CDK6: variants seen among roughly 807,000 people sequenced by gnomAD.
CDK6 encodes the protein cyclin dependent kinase 6, also known as cyclin-dependent kinase 6.
In CDK6, 6 loss-of-function variants were observed where a neutral mutation model predicts 37.1. That is an observed-to-expected ratio of 0.16 (90% CI 0.09 to 0.32). CDK6 has a LOEUF of 0.32. Ranked by LOEUF, CDK6 falls within the 10% of genes least tolerant of loss-of-function variation. The pLI, the probability that CDK6 is intolerant of heterozygous loss-of-function variation, is 1.00. For synonymous variants in CDK6, 160 were observed against 161.3 expected, an observed-to-expected ratio of 0.99 and a Z score of 0.06; for missense variants, 224 against 418.9, an observed-to-expected ratio of 0.53 and a Z score of 4.06.
chr7:92,728,298 G>A (rs1798560364), intron 3 of CDK6, among the ~76,000 whole-genome samples: 2 of 151,956 alleles, frequency 1.3e-5, no homozygotes, highest in African/African-American at 2.4e-5. Flanking sequence ...CTTTTTTTGT[G>A]TCTTTTTAGT....
chr7:92,742,115 G>C (rs935941632), intron 3 of CDK6, among the ~76,000 whole-genome samples: 3 of 152,114 alleles, frequency 2.0e-5, no homozygotes, highest in Non-Finnish European at 4.4e-5. Flanking sequence ...TACTCAGTTT[G>C]TTTAAAATAT....
chr7:92,740,616 A>AT (rs1798898760), intron 3 of CDK6, among the ~76,000 whole-genome samples: 1 of 151,996 alleles, frequency 6.6e-6, no homozygotes, highest in South Asian at 2.1e-4. Context: ...TACATACATT[A>AT]TTTTTTTCCC....
intron 3 of CDK6, among the ~76,000 whole-genome samples, chr7:92,739,377 A>G (rs898619269): frequency 1.3e-5 from 2 of 152,174 alleles, no homozygotes; most frequent in African/African-American, 4.8e-5. Context: ...TGTTTTTTAG[A>G]ATAGTCCCTG....
At chr7:92,764,706 G>A (rs1188821318) in intron 3 of CDK6, among the ~76,000 whole-genome samples, 1 of 152,154 alleles carries the variant, frequency 6.6e-6, no homozygotes, top group Non-Finnish European at 1.5e-5. Context: ...GCACTATGGG[G>A]TTTGCAAGGC....
At chr7:92,732,311 G>A (rs898302811) in intron 3 of CDK6, among the ~76,000 whole-genome samples, 5 of 152,180 alleles carry the variant, frequency 3.3e-5, no homozygotes, top group African/African-American at 1.2e-4. Flanking sequence ...CAGCTACTCG[G>A]GAGGCCTAGG....
intron 2 of CDK6, among the ~76,000 whole-genome samples, chr7:92,808,504 AAATAATTCACTATT>A (rs961550322): frequency 2.6e-5 from 4 of 152,244 alleles, no homozygotes; most frequent in African/African-American, 9.6e-5. Context: ...AATGCTGCTT[AAATAATTCACTATT>A]AATTGGACAG....
chr7:92,625,293 T>G (rs1403261312), intron 5 of CDK6, among the ~76,000 whole-genome samples: 3 of 147,650 alleles, frequency 2.0e-5, no homozygotes, highest in Non-Finnish European at 4.5e-5. Flanking sequence ...ATACAGATAA[T>G]CATGTAAAGT....
At chr7:92,634,712 C>G (rs1216567013) in intron 5 of CDK6, among the ~76,000 whole-genome samples, 1 of 152,130 alleles carries the variant, frequency 6.6e-6, no homozygotes, top group Non-Finnish European at 1.5e-5. Context: ...TTATGTATCT[C>G]AATCAAGTTT....
intron 4 of CDK6, among the ~76,000 whole-genome samples, chr7:92,696,355 C>T (rs1050117908): frequency 1.3e-5 from 2 of 152,030 alleles, no homozygotes; most frequent in Non-Finnish European, 2.9e-5. Context: ...GGAGTTTTCC[C>T]GTTATGAAAT....
intron 5 of CDK6, among the ~76,000 whole-genome samples, chr7:92,632,343 G>T (rs1399762707): frequency 6.6e-6 from 1 of 152,030 alleles, no homozygotes; most frequent in South Asian, 2.1e-4. Flanking sequence ...TGCTCAAAAT[G>T]GAACCAAAAG....
chr7:92,735,661 C>T (rs997744013), intron 3 of CDK6, among the ~76,000 whole-genome samples: 6 of 152,162 alleles, frequency 3.9e-5, no homozygotes, highest in African/African-American at 7.2e-5. Flanking sequence ...CTCCAAGAAT[C>T]GAACAAGGCA....
intron 5 of CDK6, among the ~76,000 whole-genome samples, chr7:92,626,229 T>C (rs1412034233): frequency 6.6e-6 from 1 of 151,984 alleles, no homozygotes; most frequent in African/African-American, 2.4e-5. Context: ...ATATAAAAAA[T>C]ATAAATTACA....
At chr7:92,734,978 T>C (rs1315281255) in intron 3 of CDK6, among the ~76,000 whole-genome samples, 2 of 152,182 alleles carry the variant, frequency 1.3e-5, no homozygotes, top group Non-Finnish European at 2.9e-5. Context: ...GTTCCACAGC[T>C]TGGGGTAGGA....
rs1242298194 is a variant in CDK6, at chr7:92,608,172, A to G, written c.*6968T>C. ...CTCTATGTGTGCTGATTAGTGCTAC[A>G]GTCATAGTTCTTGGCAGTCAATATG... On this transcript the variant is annotated 3_prime_UTR_variant, in exon 8 of 8. Coordinates refer to ENST00000424848, the MANE Select transcript of CDK6 (RefSeq NM_001145306.2). The G allele has an allele frequency of 4.3e-6, 1 of 232,486 alleles. No individual in the cohort carries two copies. The highest frequency in any genetic ancestry group is 2.2e-5 in the African/African-American group (1 of 45,318). The allele number at this position is 232,486 out of a possible 1,614,324, so 14.4% of individuals were successfully genotyped here.
At chr7:92,804,733 G>T (rs973586737) in intron 2 of CDK6, among the ~76,000 whole-genome samples, 1 of 131,952 alleles carries the variant, frequency 7.6e-6, no homozygotes, top group South Asian at 2.4e-4. Flanking sequence ...TTTGAAATTT[G>T]TTTGTTGTGG....
intron 2 of CDK6, among the ~76,000 whole-genome samples, chr7:92,799,251 G>A (rs1013506111): frequency 2.0e-5 from 3 of 152,014 alleles, no homozygotes; most frequent in African/African-American, 4.8e-5. Context: ...CTCTTCCAGC[G>A]AGATCTGTCT....
rs10552976 is a variant in CDK6 at position 92,614,696 on chromosome 7, TACACACAC to T, written c.*436_*443del. ...TTAAAAGATCACAGAATCTCTCACA[TACACACAC>T]ACACACACACACACACACACACACA... On this transcript the variant is annotated 3_prime_UTR_variant, in exon 8 of 8. Coordinates refer to ENST00000424848, the MANE Select transcript of CDK6 (RefSeq NM_001145306.2). 333 of 228,508 alleles carry T rather than the reference TACACACAC, an allele frequency of 1.5e-3. No homozygotes were observed. Among genetic ancestry groups the T allele is most frequent in the African/African-American group, 5.6e-3 (246 of 44,002 alleles). The allele number at this position is 228,508 out of a possible 1,614,324, so 14.2% of individuals were successfully genotyped here.
intron 5 of CDK6, among the ~76,000 whole-genome samples, chr7:92,645,117 C>T (rs112070611): frequency 1.2e-3 from 190 of 152,288 alleles, no homozygotes; most frequent in African/African-American, 4.1e-3. Context: ...AATATAAAAG[C>T]GGGTCTCTTT....
chr7:92,618,285 C>A, intron 6 of CDK6, 78 bp from the exon 7 acceptor site: 1 of 1,488,894 alleles, frequency 6.7e-7, no homozygotes, highest in Non-Finnish European at 9.2e-7. Flanking sequence ...CAGAGAAAGG[C>A]AAAATCTAAG....
Sources: allele counts gnomAD v4.1 joint callset (sites outside exome capture counted in the v4.1 genomes callset), GRCh38; gene constraint gnomAD v4.1.1; transcripts MANE v1.5; gene names NCBI Gene and HGNC (gene_info 2026-07-23, HGNC 2026-07-21).